The following DNAH3 variants were observed in gnomAD, a reference collection of about 807,000 sequenced individuals.
DNAH3 encodes dynein axonemal heavy chain 3.
A neutral mutation model predicts 432.5 loss-of-function variants in DNAH3; 332 were observed. The observed-to-expected ratio is 0.77, with a 90% CI of 0.70 to 0.84. The LOEUF (loss-of-function observed/expected upper bound fraction) is 0.84. Among genes scored for constraint, DNAH3 ranks in the 40% least tolerant of loss-of-function variants. The probability of loss-of-function intolerance (pLI) is 0.00; values close to 1 mark genes in which losing one functional copy is unlikely to be tolerated. For synonymous variants in DNAH3, 1,956 were observed against 1,900.2 expected, an observed-to-expected ratio of 1.03 and a Z score of -0.76; for missense variants, 4,861 against 5,114.0, an observed-to-expected ratio of 0.95 and a Z score of 1.51.
At chr16:20,984,068 A>G (rs973941140) in intron 48 of DNAH3, among the ~76,000 whole-genome samples, 4 of 150,406 alleles carry the variant, frequency 2.7e-5, no homozygotes, top group African/African-American at 7.3e-5. Flanking sequence ...GATGGTTTGA[A>G]AAGATGAAGG....
intron 47 of DNAH3, among the ~76,000 whole-genome samples, chr16:20,986,171 T>C (rs1298531360): frequency 6.6e-6 from 1 of 151,748 alleles, no homozygotes; most frequent in Non-Finnish European, 1.5e-5. Flanking sequence ...TTTTTGTTTT[T>C]TAAACATAAT....
intron 40 of DNAH3, among the ~76,000 whole-genome samples, chr16:21,020,397 A>ATTTTT (rs56049638): frequency 2.3e-4 from 8 of 34,596 alleles, no homozygotes; most frequent in Non-Finnish European, 2.8e-4. Flanking sequence ...ATATATATAT[A>ATTTTT]TTTTTTTTTT....
chr16:20,957,682 C>A (rs1164267169), intron 54 of DNAH3, among the ~76,000 whole-genome samples: 1 of 151,748 alleles, frequency 6.6e-6, no homozygotes, highest in East Asian at 1.9e-4. Context: ...CATGGTGGTG[C>A]ATGCCTGTAG....
chr16:20,988,340 T>A (rs1183477401), intron 44 of DNAH3, among the ~76,000 whole-genome samples: 1 of 152,242 alleles, frequency 6.6e-6, no homozygotes, highest in African/African-American at 2.4e-5. Context: ...AGTACAGATA[T>A]AGAGCATCTC....
chr16:20,993,018 A>C (rs1239740704), intron 44 of DNAH3, among the ~76,000 whole-genome samples: 1 of 152,042 alleles, frequency 6.6e-6, no homozygotes, highest in African/African-American at 2.4e-5. Context: ...GGCTTGCACC[A>C]CCATGCCTGT....
At position 20,997,220 on chromosome 16, in the gene DNAH3, T is replaced by C. The variant is rs2086799693; in HGVS notation, c.6601+63A>G. On this transcript the variant is annotated intron_variant, in intron 44 of 61. Coordinates refer to ENST00000261383, the Ensembl canonical transcript of DNAH3. ...CTGTGGCACACCAACCCACCTTTCA[T>C]AAAGGTGGCCCAGCTCTGCTGGGGA... is the stretch of plus-strand genomic sequence containing the variant. The C allele has an allele frequency of 3.9e-6, 6 of 1,537,118 alleles. No homozygotes were observed. In the East Asian group the frequency reaches 1.1e-4, roughly 29 times the overall value.
At chr16:20,935,957 A>G (rs1458190663) in intron 60 of DNAH3, among the ~76,000 whole-genome samples, 3 of 152,118 alleles carry the variant, frequency 2.0e-5, no homozygotes, top group South Asian at 4.1e-4. Flanking sequence ...GCTGCCACTC[A>G]TCTCCAGCAA....
At chr16:21,066,031 T>G (rs987877297) in intron 24 of DNAH3, among the ~76,000 whole-genome samples, 1 of 152,100 alleles carries the variant, frequency 6.6e-6, no homozygotes, top group Non-Finnish European at 1.5e-5. Context: ...TTCAACATGT[T>G]GGCCAGGCTG....
At chr16:20,943,414 C>T (rs569850310) in intron 58 of DNAH3, among the ~76,000 whole-genome samples, 57 of 151,966 alleles carry the variant, frequency 3.8e-4, no homozygotes, top group African/African-American at 1.3e-3. Flanking sequence ...TGTAGTGATG[C>T]GGTCTCCTTA....
chr16:21,156,366 G>A (rs1411540488), intron 1 of DNAH3, among the ~76,000 whole-genome samples: 1 of 151,948 alleles, frequency 6.6e-6, no homozygotes, highest in Admixed American at 6.6e-5. Flanking sequence ...CATGTAGCTG[G>A]GACTACAGGC....
intron 1 of DNAH3, among the ~76,000 whole-genome samples, chr16:21,157,242 T>C (rs1203325327): frequency 6.6e-6 from 1 of 152,084 alleles, no homozygotes; most frequent in Non-Finnish European, 1.5e-5. Context: ...GCAAATATTT[T>C]TGAGCCCCTA....
At chr16:21,130,431 A>G (rs937351110) in intron 7 of DNAH3, among the ~76,000 whole-genome samples, 1 of 151,808 alleles carries the variant, frequency 6.6e-6, no homozygotes, top group South Asian at 2.1e-4. Context: ...CAGCCTCCCA[A>G]GTAGCTGGGA....
chr16:21,145,489 A>G, intron 2 of DNAH3, 83 bp from the exon 4 acceptor site: 6 of 1,217,568 alleles, frequency 4.9e-6, no homozygotes, highest in Non-Finnish European at 7.2e-6. Flanking sequence ...GAGGCTCACA[A>G]GAGTTCCAAG....
At position 21,140,557 on chromosome 16, in the gene DNAH3, CTTCTT is replaced by C; in HGVS notation, c.670_674del (p.Lys224AlafsTer3). On this transcript the variant is annotated frameshift_variant, in exon 5 of 62. Transcript: ENST00000261383. LOFTEE classifies it high-confidence loss of function. Reference sequence around the variant, plus strand: ...GTACCTCCAGGTCCGATTCAGATGGCTTCTTTTCTTTACTTTCCATTTCCATCTCC... The same window carrying C: ...GTACCTCCAGGTCCGATTCAGATGGCTTCTTTACTTTCCATTTCCATCTCC... 1 of 1,613,996 alleles carries C rather than the reference CTTCTT, an allele frequency of 6.2e-7. No homozygotes were observed. Among genetic ancestry groups the C allele is most frequent in the Non-Finnish European group, 8.5e-7 (1 of 1,179,916 alleles).
At chr16:21,141,583 C>G (rs1311172932) in intron 3 of DNAH3, among the ~76,000 whole-genome samples, 1 of 152,198 alleles carries the variant, frequency 6.6e-6, no homozygotes, top group Non-Finnish European at 1.5e-5. Context: ...CACTCCGGAC[C>G]TCAGCTTCCT....
chr16:20,943,480 T>A lies in DNAH3; in HGVS notation c.11511+1016A>T, dbSNP rs138521982. On this transcript the variant is annotated intron_variant, in intron 58 of 61. Transcript: ENST00000261383. Reference sequence around the variant, plus strand: ...CTCAAGTGCTCCTCCTGCTTCAGCCTCCCAAAGTGCTGGGACTACAGGTGC... The same window carrying A: ...CTCAAGTGCTCCTCCTGCTTCAGCCACCCAAAGTGCTGGGACTACAGGTGC... 5.4e-3 allele frequency among the ~76,000 whole-genome samples: 818 copies of A among 152,094 alleles called. 8 individuals carry two copies. Among genetic ancestry groups the A allele is most frequent in the South Asian group, 6.0e-3 (29 of 4,822 alleles).
intron 7 of DNAH3, among the ~76,000 whole-genome samples, chr16:21,131,148 G>A (rs1469247027): frequency 6.6e-6 from 1 of 152,020 alleles, no homozygotes; most frequent in African/African-American, 2.4e-5. Context: ...CCCAGCCTAA[G>A]CAACCTAGAG....
chr16:20,945,325 G>C (rs2083996084), intron 57 of DNAH3, among the ~76,000 whole-genome samples: 1 of 152,150 alleles, frequency 6.6e-6, no homozygotes, highest in African/African-American at 2.4e-5. Flanking sequence ...ATATAGTCTA[G>C]AAAGGGGAGG....
rs538825274 is a variant in DNAH3, at chr16:21,084,862, T to C, written c.2877+1987A>G. Among the ~76,000 whole-genome samples the C allele has an allele frequency of 2.6e-5, 4 of 152,234 alleles. No individual in the cohort carries two copies. The South Asian group carries it at 8.3e-4, about 32-fold the overall frequency. On this transcript the variant is annotated intron_variant, in intron 19 of 61. Transcript: ENST00000261383. ...AGATGGCTTTCCCGGCCCCGCGGCA[T>C]GTTCTCCAAATGCCATCGACAAGGA...
Sources: allele counts gnomAD v4.1 joint callset (sites outside exome capture counted in the v4.1 genomes callset), GRCh38; gene constraint gnomAD v4.1.1; transcripts MANE v1.5; gene names NCBI Gene and HGNC (gene_info 2026-07-23, HGNC 2026-07-21).